RIGI: variants seen among roughly 807,000 people sequenced by gnomAD.
The protein encoded by RIGI is antiviral innate immune response receptor RIG-I.
chr9:32,459,584 C>T, the RIGI span: 117 of 1,448,552 alleles, frequency 8.1e-5, no homozygotes, highest in Admixed American at 3.2e-4. Flanking sequence ...GGCACAGATA[C>T]GTACAATACA....
the RIGI span, among the ~76,000 whole-genome samples, chr9:32,496,668 T>C: frequency 6.6e-6 from 1 of 152,208 alleles, no homozygotes; most frequent in East Asian, 1.9e-4. Context: ...TACACATACA[T>C]GTAAGTAACA....
chr9:32,485,141 G>T, the RIGI span: 3 of 1,477,418 alleles, frequency 2.0e-6, no homozygotes, highest in Non-Finnish European at 1.9e-6. Flanking sequence ...CTATTCCCCA[G>T]TAGAGAGAAC....
At chr9:32,478,380 C>T in the RIGI span, among the ~76,000 whole-genome samples, 69 of 151,630 alleles carry the variant, frequency 4.6e-4, no homozygotes, top group Non-Finnish European at 7.1e-4. Context: ...CAATTATCTA[C>T]GCTTTTGAGG....
At chr9:32,518,867 G>A in the RIGI span, among the ~76,000 whole-genome samples, 1 of 152,104 alleles carries the variant, frequency 6.6e-6, no homozygotes, top group East Asian at 1.9e-4. Flanking sequence ...GTGCCATCAT[G>A]CCTGGCCAAT....
At chr9:32,492,283 G>A in the RIGI span, 1 of 1,215,904 alleles carries the variant, frequency 8.2e-7, no homozygotes, top group South Asian at 1.5e-5. Context: ...TCGCGTTAGA[G>A]ATGTAGCTCT....
the RIGI span, chr9:32,476,889 TG>T: frequency 9.1e-7 from 1 of 1,097,482 alleles, no homozygotes; most frequent in Non-Finnish European, 1.3e-6. Context: ...CCCAAACTTC[TG>T]GGATTACAGG....
the RIGI span, among the ~76,000 whole-genome samples, chr9:32,522,936 C>T: frequency 2.0e-5 from 3 of 152,058 alleles, no homozygotes; most frequent in Non-Finnish European, 4.4e-5. Context: ...GAGTTCCTTC[C>T]CCAGGAAAAG....
chr9:32,514,140 GTT>G, the RIGI span, among the ~76,000 whole-genome samples: 1 of 152,224 alleles, frequency 6.6e-6, no homozygotes, highest in Non-Finnish European at 1.5e-5. Flanking sequence ...GTGTAAATTA[GTT>G]CAACCATTGT....
the RIGI span, among the ~76,000 whole-genome samples, chr9:32,516,613 C>T: frequency 2.6e-5 from 4 of 152,292 alleles, no homozygotes; most frequent in East Asian, 7.7e-4. Flanking sequence ...AGTGTCCTTT[C>T]TTGGCCCAGA....
chr9:32,473,812 G>T, the RIGI span, among the ~76,000 whole-genome samples: 2 of 152,220 alleles, frequency 1.3e-5, no homozygotes, highest in African/African-American at 4.8e-5. Context: ...AGAGTCACTT[G>T]AGCCCAGGAG....
At chr9:32,477,605 G>A in the RIGI span, among the ~76,000 whole-genome samples, 9 of 152,256 alleles carry the variant, frequency 5.9e-5, no homozygotes, top group African/African-American at 2.2e-4. Flanking sequence ...GGTAAGGACA[G>A]TATGTTCAGT....
At chr9:32,501,531 AG>A in the RIGI span, among the ~76,000 whole-genome samples, 1 of 152,102 alleles carries the variant, frequency 6.6e-6, no homozygotes, top group Non-Finnish European at 1.5e-5. Context: ...AGGAGAAGGA[AG>A]GAAGTAAGGG....
the RIGI span, chr9:32,487,832 C>T: frequency 1.0e-4 from 140 of 1,366,836 alleles, no homozygotes; most frequent in Middle Eastern, 3.8e-4. Context: ...ATGAGTTGTA[C>T]AATATGGACT....
the RIGI span, among the ~76,000 whole-genome samples, chr9:32,513,106 G>A: frequency 8.6e-5 from 13 of 151,606 alleles, no homozygotes; most frequent in East Asian, 2.3e-3. Context: ...CCATGCTCAC[G>A]GGTAGGAAGA....
the RIGI span, among the ~76,000 whole-genome samples, chr9:32,511,051 A>T: frequency 2.6e-5 from 4 of 152,242 alleles, no homozygotes; most frequent in African/African-American, 9.6e-5. Context: ...TATGCTAAAT[A>T]CATATGCACC....
the RIGI span, among the ~76,000 whole-genome samples, chr9:32,476,645 GC>G: frequency 1.3e-5 from 2 of 148,872 alleles, no homozygotes; most frequent in East Asian, 3.9e-4. Context: ...AGAGAAAACG[GC>G]TTTTTTTTTT....
the RIGI span, among the ~76,000 whole-genome samples, chr9:32,502,526 C>T: frequency 6.6e-6 from 1 of 152,186 alleles, no homozygotes; most frequent in Non-Finnish European, 1.5e-5. Flanking sequence ...TTCTTACCAT[C>T]GTTTTCATTT....
chr9:32,524,596 G>GTTTTTTTTTTTTTTTTTTTTTTTTTT, the RIGI span, among the ~76,000 whole-genome samples: 13 of 67,578 alleles, frequency 1.9e-4, 1 homozygote, highest in African/African-American at 4.7e-4. Flanking sequence ...TTGTTTTTCG[G>GTTTTTTTTTTTTTTTTTTTTTTTTTT]TTTTTTTTTT....
the RIGI span, chr9:32,466,448 G>C: frequency 6.3e-7 from 1 of 1,590,574 alleles, no homozygotes; most frequent in Non-Finnish European, 8.5e-7. Flanking sequence ...CTGCCTATTA[G>C]AAAATAAATA....
Sources: allele counts gnomAD v4.1 joint callset (sites outside exome capture counted in the v4.1 genomes callset), GRCh38; gene constraint gnomAD v4.1.1; transcripts MANE v1.5; gene names NCBI Gene and HGNC (gene_info 2026-07-23, HGNC 2026-07-21).